Variants in SIRT1 observed in about 807,000 individuals in gnomAD.
SIRT1 encodes the protein sirtuin 1.
Under a neutral mutation model 67.9 loss-of-function variants are expected in SIRT1, and 24 were observed. That is an observed-to-expected ratio of 0.35 (90% CI 0.26 to 0.50). The LOEUF (loss-of-function observed/expected upper bound fraction) is 0.50. Among genes scored for constraint, SIRT1 ranks in the 20% least tolerant of loss-of-function variants. SIRT1 has a pLI of 0.98. For synonymous variants in SIRT1, 378 were observed against 350.7 expected, an observed-to-expected ratio of 1.08 and a Z score of -0.87; for missense variants, 873 against 937.2, an observed-to-expected ratio of 0.93 and a Z score of 0.89.
chr10:67,894,085 C>T (rs1032394740), intron 4 of SIRT1, among the ~76,000 whole-genome samples: 6 of 152,108 alleles, frequency 3.9e-5, no homozygotes, highest in Non-Finnish European at 5.9e-5. Flanking sequence ...GACCAGCCTG[C>T]GCAACACAGT....
intron 4 of SIRT1, 26 bp downstream of exon 4, chr10:67,891,580 C>A: frequency 6.2e-7 from 1 of 1,609,940 alleles, no homozygotes; most frequent in South Asian, 1.1e-5. Flanking sequence ...CTGGTTGTTT[C>A]TTTGGCCTTC....
chr10:67,884,864 C>A lies in SIRT1; in HGVS notation c.143C>A (p.Pro48Gln). The change falls in exon 1 of 9, where the codon CCG becomes CAG. Residue 48 changes from proline (P) to glutamine (Q), a missense_variant. This residue lies in a region of SIRT1 where 327 missense variants were observed against 283.9 expected (regional missense o/e 1.15). Coordinates refer to ENST00000212015, the MANE Select transcript of SIRT1 (RefSeq NM_012238.5). The part of the protein sequence containing the change: ...RRDGPGLERS[P>Q]GEPGGAAPER... Reference sequence around the variant, plus strand: ...GATGGTCCCGGCCTCGAGCGGAGCCCGGGCGAGCCCGGTGGGGCGGCCCCA... The same window carrying A: ...GATGGTCCCGGCCTCGAGCGGAGCCAGGGCGAGCCCGGTGGGGCGGCCCCA... 8.2e-7 allele frequency: 1 copy of A among 1,216,860 alleles called. No homozygotes were observed. The allele number at this position is 1,216,860 out of a possible 1,614,324, so 75.4% of individuals were successfully genotyped here.
chr10:67,915,061 C>T (rs2029875243), intron 8 of SIRT1, among the ~76,000 whole-genome samples: 1 of 151,872 alleles, frequency 6.6e-6, no homozygotes, highest in Non-Finnish European at 1.5e-5. Context: ...TACTATGTGT[C>T]TGTTGTAATA....
chr10:67,909,142 G>GTTT, intron 6 of SIRT1, 114 bp from the exon 7 acceptor site: 3 of 629,182 alleles, frequency 4.8e-6, no homozygotes, highest in Non-Finnish European at 7.6e-6. Flanking sequence ...TTTCTGTTTT[G>GTTT]TTTTTTTTTT....
rs2131889809 is a variant in SIRT1, at chr10:67,912,678, TGG to T, written c.1563_1564del (p.Leu521PhefsTer40). ...AAACCTCCACGAACACAAAAAGAATTGGCTTATTTGTCAGAGTTGCCACCCAC... is the reference window on the plus strand; with the variant it reads ...AAACCTCCACGAACACAAAAAGAATTCTTATTTGTCAGAGTTGCCACCCAC... On this transcript the variant is annotated frameshift_variant, in exon 8 of 9. Coordinates refer to ENST00000212015, the MANE Select transcript of SIRT1 (RefSeq NM_012238.5). LOFTEE classifies it high-confidence loss of function. 2 of 1,614,118 alleles carry T rather than the reference TGG, an allele frequency of 1.2e-6. No homozygotes were observed. The highest frequency in any genetic ancestry group is 4.5e-5 in the East Asian group (2 of 44,862).
At chr10:67,903,753 T>A (rs898277647) in intron 4 of SIRT1, among the ~76,000 whole-genome samples, 1 of 152,204 alleles carries the variant, frequency 6.6e-6, no homozygotes, top group South Asian at 2.1e-4. Flanking sequence ...ATTCCTGGAT[T>A]ATTTGCATGT....
intron 1 of SIRT1, among the ~76,000 whole-genome samples, chr10:67,886,301 A>G (rs1477135594): frequency 1.3e-5 from 2 of 150,776 alleles, no homozygotes; most frequent in Admixed American, 6.6e-5. Context: ...CTTTATCAAT[A>G]TTTGGGTCAG....
At position 67,903,532 on chromosome 10, in the gene SIRT1, C is replaced by T. The variant is rs182173065; in HGVS notation, c.943-3258C>T. 1.1e-3 allele frequency among the ~76,000 whole-genome samples: 161 copies of T among 151,120 alleles called. 1 individual carries two copies. Among genetic ancestry groups the T allele is most frequent in the African/African-American group, 3.9e-3 (160 of 41,164 alleles). ...CCCGAGTAGTGGGACTACAGGCACC[C>T]GCCACCATGCCCAGCTAATTTTTTT... is the stretch of plus-strand genomic sequence containing the variant. On this transcript the variant is annotated intron_variant, in intron 4 of 8. Coordinates refer to ENST00000212015, the MANE Select transcript of SIRT1 (RefSeq NM_012238.5).
intron 4 of SIRT1, among the ~76,000 whole-genome samples, chr10:67,898,258 C>CAAA (rs756541937): frequency 1.5e-5 from 1 of 66,736 alleles, no homozygotes; most frequent in Admixed American, 1.9e-4. Flanking sequence ...GACTCTGTCT[C>CAAA]AAAAAAAAAA....
At chr10:67,901,182 A>G (rs1842739265) in intron 4 of SIRT1, among the ~76,000 whole-genome samples, 1 of 151,910 alleles carries the variant, frequency 6.6e-6, no homozygotes, top group Non-Finnish European at 1.5e-5. Context: ...TTTTTGAGAT[A>G]GTCTTGCTCT....
At chr10:67,902,961 C>A (rs546628025) in intron 4 of SIRT1, among the ~76,000 whole-genome samples, 3 of 152,020 alleles carry the variant, frequency 2.0e-5, no homozygotes, top group Admixed American at 2.0e-4. Flanking sequence ...TGTGGTGGCG[C>A]GCACCTGTAG....
At chr10:67,898,230 G>A (rs1387082390) in intron 4 of SIRT1, among the ~76,000 whole-genome samples, 1 of 146,096 alleles carries the variant, frequency 6.8e-6, no homozygotes, top group African/African-American at 2.6e-5. Context: ...CTGCACTCCA[G>A]CCTGGGCGAG....
intron 7 of SIRT1, among the ~76,000 whole-genome samples, chr10:67,911,699 T>C (rs1287780208): frequency 7.6e-6 from 1 of 131,700 alleles, no homozygotes; most frequent in Admixed American, 8.6e-5. Flanking sequence ...ATCCTTCCCG[T>C]CCGTTCTTCC....
chr10:67,890,831 C>T (rs1842559344), intron 3 of SIRT1, among the ~76,000 whole-genome samples: 1 of 151,774 alleles, frequency 6.6e-6, no homozygotes, highest in Non-Finnish European at 1.5e-5. Flanking sequence ...GAGATCGAGA[C>T]CATCTTGGCT....
intron 1 of SIRT1, among the ~76,000 whole-genome samples, chr10:67,885,977 C>T (rs1166450637): frequency 7.9e-5 from 10 of 125,964 alleles, no homozygotes; most frequent in African/African-American, 1.8e-4. Flanking sequence ...GACGGAGTCT[C>T]GCTCTGTCGC....
intron 4 of SIRT1, among the ~76,000 whole-genome samples, chr10:67,902,247 C>A (rs1842755893): frequency 6.6e-6 from 1 of 152,200 alleles, no homozygotes; most frequent in African/African-American, 2.4e-5. Context: ...CCTCAGCCTC[C>A]CAAAGTGCTG....
chr10:67,909,331 G>C lies in SIRT1; in HGVS notation c.1246G>C (p.Glu416Gln). The change falls in exon 7 of 9, where the codon GAA (glutamate) becomes CAA (glutamine). Residue 416 changes from glutamate (E) to glutamine (Q), a missense_variant. By Grantham distance (29) the Glu-to-Gln change is conservative. Transcript: ENST00000212015. ...IMKPEIVFFG[E>Q]NLPEQFHRAM... ...GAAACCAGAGATTGTGTTTTTTGGT[G>C]AAAATTTACCAGAACAGTTTCATAG... 6.2e-7 allele frequency: 1 copy of C among 1,612,834 alleles called. No homozygotes were observed. Among genetic ancestry groups the C allele is most frequent in the Non-Finnish European group, 8.5e-7 (1 of 1,179,676 alleles).
At chr10:67,906,216 G>T in intron 4 of SIRT1, 1 of 1,481,560 alleles carries the variant, frequency 6.7e-7, no homozygotes, top group East Asian at 2.5e-5. Context: ...ACAAAATCCA[G>T]CAACTCAGCA....
intron 1 of SIRT1, 82 bp from the exon 2 acceptor site, chr10:67,887,335 G>A (rs1040746656): frequency 1.5e-5 from 13 of 868,626 alleles, no homozygotes; most frequent in Non-Finnish European, 2.1e-5. Flanking sequence ...TGTACTCGAT[G>A]AAAATGATTG....
Sources: allele counts gnomAD v4.1 joint callset (sites outside exome capture counted in the v4.1 genomes callset), GRCh38; gene constraint gnomAD v4.1.1; regional missense constraint gnomAD v4.1.1; transcripts MANE v1.5; gene names NCBI Gene and HGNC (gene_info 2026-07-23, HGNC 2026-07-21).